The following NRF1 variants were observed in gnomAD, a reference collection of about 807,000 sequenced individuals.
NRF1 encodes alpha palindromic-binding protein.
In NRF1, 5 loss-of-function variants were observed where a neutral mutation model predicts 58.5. The observed-to-expected ratio is 0.09, with a 90% confidence interval of 0.04 to 0.18. The LOEUF (loss-of-function observed/expected upper bound fraction) is 0.18. Ranked by LOEUF, NRF1 falls within the 10% of genes least tolerant of loss-of-function variation. The pLI is 1.00. For synonymous variants in NRF1, 224 were observed against 246.7 expected, an observed-to-expected ratio of 0.91 and a Z score of 0.86; for missense variants, 288 against 657.7, an observed-to-expected ratio of 0.44 and a Z score of 6.15.
chr7:129,672,669 G>A (rs1802076891), intron 3 of NRF1, among the ~76,000 whole-genome samples: 1 of 152,162 alleles, frequency 6.6e-6, no homozygotes, highest in Admixed American at 6.5e-5. Flanking sequence ...AGAAAGGAGT[G>A]CTGGGTGATT....
intron 10 of NRF1, among the ~76,000 whole-genome samples, chr7:129,734,495 C>A (rs1444451450): frequency 1.3e-5 from 2 of 152,202 alleles, no homozygotes; most frequent in African/African-American, 4.8e-5. Context: ...AGGCTGCTTG[C>A]CTTAGTCTAG....
intron 5 of NRF1, among the ~76,000 whole-genome samples, chr7:129,695,490 C>T (rs1291411218): frequency 6.6e-6 from 1 of 151,506 alleles, no homozygotes; most frequent in Non-Finnish European, 1.5e-5. Flanking sequence ...GCAGAAGAAT[C>T]GCTTCACCCT....
At chr7:129,652,921 C>T (rs1801570000) in intron 1 of NRF1, among the ~76,000 whole-genome samples, 1 of 152,184 alleles carries the variant, frequency 6.6e-6, no homozygotes, top group Non-Finnish European at 1.5e-5. Flanking sequence ...ACAGAAATTA[C>T]ACTGGTATAT....
chr7:129,614,121 C>A (rs1800606876), intron 1 of NRF1, among the ~76,000 whole-genome samples: 1 of 152,028 alleles, frequency 6.6e-6, no homozygotes, highest in African/African-American at 2.4e-5. Context: ...TTCTCTTTTT[C>A]TTTTTCTTTT....
chr7:129,684,561 G>A (rs540326403), intron 4 of NRF1, among the ~76,000 whole-genome samples: 4 of 152,234 alleles, frequency 2.6e-5, no homozygotes, highest in African/African-American at 9.6e-5. Context: ...AATTATTTTG[G>A]TTGACTTCTG....
intron 5 of NRF1, among the ~76,000 whole-genome samples, chr7:129,696,735 A>C (rs1243099905): frequency 2.6e-5 from 4 of 152,240 alleles, no homozygotes; most frequent in African/African-American, 4.8e-5. Flanking sequence ...AGAAATCTAT[A>C]TAGGATCCTA....
intron 10 of NRF1, among the ~76,000 whole-genome samples, chr7:129,733,070 A>T (rs1317335202): frequency 6.6e-6 from 1 of 151,038 alleles, no homozygotes; most frequent in Non-Finnish European, 1.5e-5. Flanking sequence ...GACTGTCTCA[A>T]ACAAACAAAA....
At chr7:129,645,761 A>C (rs1256873204) in intron 1 of NRF1, among the ~76,000 whole-genome samples, 2 of 152,132 alleles carry the variant, frequency 1.3e-5, no homozygotes, top group Non-Finnish European at 2.9e-5. Context: ...CACAAACATA[A>C]GTTTGTGTTG....
rs571587362 is a variant in NRF1 at position 129,711,626 on chromosome 7, G to A, written c.1065+50G>A. 12 of 1,452,442 alleles carry A rather than the reference G, an allele frequency of 8.3e-6. 2 individuals carry two copies. In the East Asian group the frequency reaches 2.1e-4, roughly 26 times the overall value. The allele number at this position is 1,452,442 out of a possible 1,614,324, so 90.0% of individuals were successfully genotyped here. Reference sequence around the variant, plus strand: ...CTTCTTAAATACTTGAATGTATAATGAGGGAAAAGCAAGGGTCCAGAAGAT... The same window carrying A: ...CTTCTTAAATACTTGAATGTATAATAAGGGAAAAGCAAGGGTCCAGAAGAT... On this transcript the variant is annotated intron_variant, in intron 8 of 10. Coordinates refer to ENST00000393232, the MANE Select transcript of NRF1 (RefSeq NM_005011.5).
In NRF1 at chr7:129,744,219, C is replaced by T. The variant is rs1338841852; in HGVS notation, c.1349-10799C>T. 9 of 1,532,306 alleles carry T rather than the reference C, an allele frequency of 5.9e-6. No homozygotes were observed. The East Asian group carries it at 2.0e-4, about 34-fold the overall frequency. 94.9% of individuals were successfully genotyped at this position (1,532,306 alleles called of 1,614,324 possible). ...CAGGTCGCAAGTGGATCCTGACTGA[C>T]AAAGCCACAGGTGGGTTCATCTTTG... On this transcript the variant is annotated intron_variant, in intron 10 of 10. Transcript: ENST00000393232.
At chr7:129,697,049 A>G (rs1802714792) in intron 5 of NRF1, among the ~76,000 whole-genome samples, 1 of 152,194 alleles carries the variant, frequency 6.6e-6, no homozygotes, top group Non-Finnish European at 1.5e-5. Flanking sequence ...ATTATTACTA[A>G]TTATTAATGT....
intron 10 of NRF1, among the ~76,000 whole-genome samples, chr7:129,746,696 C>T (rs1326042356): frequency 1.3e-5 from 2 of 152,178 alleles, no homozygotes; most frequent in African/African-American, 2.4e-5. Flanking sequence ...ATCATGGTCC[C>T]GGTTCCCATT....
chr7:129,680,666 CATT>C (rs1342929859), intron 4 of NRF1, among the ~76,000 whole-genome samples: 4 of 152,124 alleles, frequency 2.6e-5, no homozygotes, highest in Admixed American at 6.5e-5. Flanking sequence ...ACCTTTAAAA[CATT>C]GTGCTAAGCA....
At chr7:129,649,688 C>T (rs924929893) in intron 1 of NRF1, among the ~76,000 whole-genome samples, 3 of 119,352 alleles carry the variant, frequency 2.5e-5, no homozygotes, top group Non-Finnish European at 4.9e-5. Flanking sequence ...AGTAGCAGCT[C>T]TTCTGTACCA....
At position 129,719,976 on chromosome 7, in the gene NRF1, GCT is replaced by G. The variant is rs199774869; in HGVS notation, c.1223+2605_1223+2606del. Among the ~76,000 whole-genome samples the G allele has an allele frequency of 8.9e-3, 1,357 of 152,228 alleles. 22 individuals carry two copies. The highest frequency in any genetic ancestry group is 0.031 in the African/African-American group (1,288 of 41,522). On this transcript the variant is annotated intron_variant, in intron 9 of 10. Coordinates refer to ENST00000393232, the MANE Select transcript of NRF1 (RefSeq NM_005011.5). ...AGTGGAAAATATGAGGCACATTTGG[GCT>G]CTCTTTGTTATAAGGACCAGGGCTT... is the stretch of plus-strand genomic sequence containing the variant.
At position 129,735,228 on chromosome 7, in the gene NRF1, AG is replaced by A; in HGVS notation, c.1348+7866del. The A allele has an allele frequency of 3.0e-6, 3 of 985,414 alleles. No individual in the cohort carries two copies. The East Asian group carries it at 3.4e-4, about 112-fold the overall frequency. The allele number at this position is 985,414 out of a possible 1,614,324, so 61.0% of individuals were successfully genotyped here. A position where few individuals can be genotyped will look rare whatever the true frequency, so the allele number is the denominator to read the frequency against. On this transcript the variant is annotated intron_variant, in intron 10 of 10. Coordinates refer to ENST00000393232, the MANE Select transcript of NRF1 (RefSeq NM_005011.5). ...TTCTGAATGAAGAGAAATGGACTGG[AG>A]GGCTGTTTAAAAATTAAAGCTGCTG...
intron 2 of NRF1, among the ~76,000 whole-genome samples, chr7:129,669,076 T>A (rs747267267): frequency 4.8e-4 from 73 of 152,108 alleles, no homozygotes; most frequent in Non-Finnish European, 8.5e-4. Context: ...GTCTCCTGAG[T>A]AGCTGGGACT....
intron 10 of NRF1, chr7:129,735,014 C>A: frequency 2.0e-6 from 2 of 976,428 alleles, no homozygotes; most frequent in Non-Finnish European, 2.4e-6. Context: ...TTGCCTGGAG[C>A]GAGTTTATTG....
chr7:129,619,735 TG>T (rs1181247303), intron 1 of NRF1, among the ~76,000 whole-genome samples: 28 of 87,668 alleles, frequency 3.2e-4, no homozygotes, highest in Non-Finnish European at 3.6e-4. Flanking sequence ...TTGTTTGGGT[TG>T]TTTTTTTTTT....
Sources: allele counts gnomAD v4.1 joint callset (sites outside exome capture counted in the v4.1 genomes callset), GRCh38; gene constraint gnomAD v4.1.1; transcripts MANE v1.5; gene names NCBI Gene and HGNC (gene_info 2026-07-23, HGNC 2026-07-21).